The following SLC36A1 variants were observed in gnomAD, a reference collection of about 807,000 sequenced individuals.
The protein encoded by SLC36A1 is proton-coupled amino acid transporter 1.
In SLC36A1, 30 loss-of-function variants were observed where a neutral mutation model predicts 47.5. That is an observed-to-expected ratio of 0.63 (90% CI 0.47 to 0.86). SLC36A1 has a LOEUF of 0.86. Among genes scored for constraint, SLC36A1 ranks in the 40% least tolerant of loss-of-function variants. The pLI is 0.00. For missense variants in SLC36A1, 517 were observed against 606.0 expected (o/e 0.85, Z 1.54); for synonymous variants, 255 against 249.7 (o/e 1.02, Z -0.20).
intron 1 of SLC36A1, among the ~76,000 whole-genome samples, chr5:151,451,972 G>A (rs147169217): frequency 0.012 from 1,876 of 152,272 alleles, 15 homozygotes; most frequent in South Asian, 0.024. Flanking sequence ...GCCTGGATGA[G>A]TCAGCCTTTG....
At chr5:151,458,341 T>TG (rs1561738201) in intron 1 of SLC36A1, among the ~76,000 whole-genome samples, 3 of 108,464 alleles carry the variant, frequency 2.8e-5, no homozygotes, top group Admixed American at 8.8e-5. Flanking sequence ...TATGGGATAT[T>TG]TATATATATA....
intron 1 of SLC36A1, among the ~76,000 whole-genome samples, chr5:151,449,723 C>T (rs1375247303): frequency 6.6e-6 from 1 of 152,186 alleles, no homozygotes; most frequent in African/African-American, 2.4e-5. Context: ...AATTAGTGGT[C>T]TCCTGTATTA....
the SLC36A1 span, among the ~76,000 whole-genome samples, chr5:151,547,791 T>A: frequency 6.6e-6 from 1 of 152,218 alleles, no homozygotes; most frequent in African/African-American, 2.4e-5. Flanking sequence ...AAATTGTATA[T>A]TCATTATGAT....
chr5:151,384,983 T>TGG, the SLC36A1 span, among the ~76,000 whole-genome samples: 1 of 122,670 alleles, frequency 8.2e-6, no homozygotes, highest in African/African-American at 3.8e-5. Flanking sequence ...TGTGTGTGTG[T>TGG]GTGGGTGTGT....
At chr5:151,398,678 A>G in the SLC36A1 span, among the ~76,000 whole-genome samples, 10,799 of 152,244 alleles carry the variant, frequency 0.071, 959 homozygotes, top group African/African-American at 0.21. Context: ...CAGTCTTGTT[A>G]AAAGAGAACT....
chr5:151,386,904 C>T, the SLC36A1 span, among the ~76,000 whole-genome samples: 24,233 of 152,126 alleles, frequency 0.16, 2,188 homozygotes, highest in East Asian at 0.38. Flanking sequence ...AAGAACCTAA[C>T]CAATGTGCTT....
the SLC36A1 span, among the ~76,000 whole-genome samples, chr5:151,355,577 T>A: frequency 6.6e-6 from 1 of 152,210 alleles, no homozygotes; most frequent in African/African-American, 2.4e-5. Flanking sequence ...ACAACCTGCA[T>A]GTACCACAGG....
the SLC36A1 span, among the ~76,000 whole-genome samples, chr5:151,537,011 C>T: frequency 1.3e-5 from 2 of 152,176 alleles, no homozygotes; most frequent in South Asian, 2.1e-4. Context: ...CACTCTCTTA[C>T]CCCTGGCTAA....
At chr5:151,553,480 T>G in the SLC36A1 span, 2 of 1,115,270 alleles carry the variant, frequency 1.8e-6, no homozygotes, top group Non-Finnish European at 2.6e-6. Flanking sequence ...CCTGTGATTC[T>G]GACCAAGCAG....
the SLC36A1 span, among the ~76,000 whole-genome samples, chr5:151,418,185 G>A: frequency 6.6e-6 from 1 of 152,374 alleles, no homozygotes; most frequent in Admixed American, 6.5e-5. Flanking sequence ...TGCAGAGGAG[G>A]GGCCCTCATG....
At chr5:151,365,948 T>C in the SLC36A1 span, among the ~76,000 whole-genome samples, 2 of 152,166 alleles carry the variant, frequency 1.3e-5, no homozygotes, top group Admixed American at 6.5e-5. Context: ...TCCCAAGACA[T>C]TGGGACAAGA....
upstream of SLC36A1, among the ~76,000 whole-genome samples, chr5:151,436,059 A>T (rs1759758591): frequency 6.6e-6 from 1 of 150,794 alleles, no homozygotes; most frequent in African/African-American, 2.5e-5. Flanking sequence ...GTAATAGGCA[A>T]TATATGAATT....
the SLC36A1 span, among the ~76,000 whole-genome samples, chr5:151,419,586 G>A: frequency 6.6e-6 from 1 of 152,180 alleles, no homozygotes; most frequent in Non-Finnish European, 1.5e-5. Context: ...TCAAACTTTT[G>A]TGTGAATTAG....
chr5:151,439,794 GT>G (rs1296078550), intron 1 of SLC36A1, among the ~76,000 whole-genome samples: 1 of 152,106 alleles, frequency 6.6e-6, no homozygotes, highest in African/African-American at 2.4e-5. Context: ...TTCAGTGGCT[GT>G]TTTTCATCTG....
the SLC36A1 span, among the ~76,000 whole-genome samples, chr5:151,548,012 A>T: frequency 6.6e-6 from 1 of 152,248 alleles, no homozygotes; most frequent in Non-Finnish European, 1.5e-5. Context: ...ATCTCCATCA[A>T]TGAGGTTGTC....
chr5:151,346,300 A>G, the SLC36A1 span, among the ~76,000 whole-genome samples: 3 of 152,192 alleles, frequency 2.0e-5, no homozygotes, highest in Non-Finnish European at 4.4e-5. Context: ...GCGACAGCAC[A>G]GGCAGCAGGG....
At chr5:151,529,968 T>C in the SLC36A1 span, among the ~76,000 whole-genome samples, 73 of 152,350 alleles carry the variant, frequency 4.8e-4, no homozygotes, top group African/African-American at 1.7e-3. Flanking sequence ...TGCTTTTTGT[T>C]TTATTTTATT....
chr5:151,507,540 C>T, the SLC36A1 span: 1 of 1,614,098 alleles, frequency 6.2e-7, no homozygotes, highest in Non-Finnish European at 8.5e-7. Context: ...CTGCTGCCCC[C>T]AGTCCCCCCT....
chr5:151,544,648 AG>A, the SLC36A1 span: 1 of 1,614,186 alleles, frequency 6.2e-7, no homozygotes. Flanking sequence ...CACAGTGACA[AG>A]TACCTCTTCC....
Sources: allele counts gnomAD v4.1 joint callset (sites outside exome capture counted in the v4.1 genomes callset), GRCh38; gene constraint gnomAD v4.1.1; transcripts MANE v1.5; gene names NCBI Gene and HGNC (gene_info 2026-07-23, HGNC 2026-07-21).